Variants in ACTR3C observed in about 807,000 individuals in gnomAD.
The protein encoded by ACTR3C is actin-related protein 3C.
ACTR3C carries 18 observed loss-of-function variants against 26.3 expected under a neutral mutation model. That is an observed-to-expected ratio of 0.68 (90% CI 0.47 to 1.01). The LOEUF (loss-of-function observed/expected upper bound fraction) is 1.01. ACTR3C is among the 50% of genes least tolerant of loss of function. The pLI, the probability that ACTR3C is intolerant of heterozygous loss-of-function variation, is 0.00. For missense variants in ACTR3C, 184 were observed against 250.7 expected (o/e 0.73, Z 1.80); for synonymous variants, 55 against 94.5 (o/e 0.58, Z 2.42).
At chr7:150,038,496 C>G in the ACTR3C span, among the ~76,000 whole-genome samples, 1 of 143,914 alleles carries the variant, frequency 6.9e-6, no homozygotes, top group Non-Finnish European at 1.5e-5. Context: ...CATACAAAGG[C>G]TTGGCTAATA....
chr7:150,009,340 C>G, the ACTR3C span, among the ~76,000 whole-genome samples: 107 of 152,320 alleles, frequency 7.0e-4, 5 homozygotes, highest in South Asian at 0.022. Context: ...ACAAGAGGCA[C>G]AAGAACCAGG....
the ACTR3C span, among the ~76,000 whole-genome samples, chr7:149,983,429 T>TTGTATGTATGTG: frequency 1.3e-3 from 20 of 15,632 alleles, 2 homozygotes; most frequent in South Asian, 4.0e-3. Context: ...GGTGTGTGTG[T>TTGTATGTATGTG]TGTGTGTATG....
chr7:150,115,484 G>T, the ACTR3C span, among the ~76,000 whole-genome samples: 1 of 152,212 alleles, frequency 6.6e-6, no homozygotes, highest in African/African-American at 2.4e-5. Flanking sequence ...GCTCTTAGGG[G>T]AGTGGTGAGT....
chr7:150,070,271 A>G, the ACTR3C span, among the ~76,000 whole-genome samples: 64 of 152,220 alleles, frequency 4.2e-4, no homozygotes, highest in African/African-American at 1.2e-3. Flanking sequence ...TCAGGTCCCA[A>G]CTCACACCTG....
the ACTR3C span, among the ~76,000 whole-genome samples, chr7:150,203,974 G>C: frequency 1.3e-5 from 2 of 150,972 alleles, no homozygotes; most frequent in African/African-American, 4.9e-5. Flanking sequence ...TATGAAATTG[G>C]TTAGCGCACA....
intron 6 of ACTR3C, among the ~76,000 whole-genome samples, chr7:150,259,561 A>G: frequency 6.6e-6 from 1 of 152,210 alleles, no homozygotes; most frequent in East Asian, 1.9e-4. Flanking sequence ...AGAGCTTTAG[A>G]AAGAAAAAAC....
chr7:150,039,991 C>A, the ACTR3C span, among the ~76,000 whole-genome samples: 1 of 139,402 alleles, frequency 7.2e-6, no homozygotes, highest in African/African-American at 2.6e-5. Flanking sequence ...GCCTCCCCCA[C>A]TGCGATAGTG....
the ACTR3C span, among the ~76,000 whole-genome samples, chr7:149,901,535 T>A: frequency 8.1e-6 from 1 of 122,844 alleles, no homozygotes; most frequent in Non-Finnish European, 1.8e-5. Flanking sequence ...ATAAAATATT[T>A]TAAATACAGA....
the ACTR3C span, among the ~76,000 whole-genome samples, chr7:149,994,391 A>C: frequency 1.3e-5 from 2 of 152,176 alleles, no homozygotes; most frequent in Non-Finnish European, 2.9e-5. Flanking sequence ...TGAGGTCAGG[A>C]GTTTGAGACC....
the ACTR3C span, among the ~76,000 whole-genome samples, chr7:150,112,412 A>G: frequency 2.6e-5 from 4 of 152,208 alleles, no homozygotes; most frequent in Non-Finnish European, 5.9e-5. Context: ...ACACCTTACC[A>G]GCACAGAAGG....
At chr7:149,955,678 G>T in the ACTR3C span, among the ~76,000 whole-genome samples, 2 of 152,138 alleles carry the variant, frequency 1.3e-5, no homozygotes, top group Non-Finnish European at 2.9e-5. Context: ...GGTAAGAAGA[G>T]AAACTATTAA....
At chr7:150,154,644 T>C in the ACTR3C span, among the ~76,000 whole-genome samples, 6 of 152,180 alleles carry the variant, frequency 3.9e-5, no homozygotes, top group African/African-American at 1.4e-4. Context: ...CTTTGACTCA[T>C]TCATTCTGAA....
the ACTR3C span, among the ~76,000 whole-genome samples, chr7:149,899,768 A>G: frequency 1.3e-5 from 2 of 152,084 alleles, no homozygotes; most frequent in South Asian, 4.1e-4. Flanking sequence ...AGAAAAAAAA[A>G]AGGGAAGAGA....
chr7:149,999,052 C>T, the ACTR3C span, among the ~76,000 whole-genome samples: 1 of 150,498 alleles, frequency 6.6e-6, no homozygotes, highest in African/African-American at 2.4e-5. Flanking sequence ...GTGACAGCTG[C>T]CTCAGCCAGC....
At chr7:149,921,708 C>G in the ACTR3C span, among the ~76,000 whole-genome samples, 6 of 151,954 alleles carry the variant, frequency 3.9e-5, no homozygotes, top group Non-Finnish European at 5.9e-5. Context: ...GAAACCCCAT[C>G]TCTACTAAAA....
the ACTR3C span, among the ~76,000 whole-genome samples, chr7:150,192,443 A>G: frequency 1.3e-5 from 2 of 152,110 alleles, no homozygotes; most frequent in Non-Finnish European, 2.9e-5. Flanking sequence ...CTACGATTGC[A>G]GGTGCATATC....
At chr7:150,193,408 C>CT in the ACTR3C span, among the ~76,000 whole-genome samples, 11,885 of 133,400 alleles carry the variant, frequency 0.089, 631 homozygotes, top group East Asian at 0.22. Context: ...TTTTTATTTT[C>CT]TTTTTTTTTT....
chr7:150,023,137 ATATATAGATATC>A, the ACTR3C span, among the ~76,000 whole-genome samples: 4 of 69,278 alleles, frequency 5.8e-5, no homozygotes, highest in African/African-American at 1.3e-4. Flanking sequence ...CTATATACAT[ATATATAGATATC>A]TATATAGATA....
intron 3 of ACTR3C, among the ~76,000 whole-genome samples, chr7:150,292,779 G>A (rs1259359750): frequency 9.9e-5 from 15 of 152,152 alleles, no homozygotes; most frequent in African/African-American, 3.1e-4. Context: ...TTACAGGCGT[G>A]AGCCACCGCG....
Sources: allele counts gnomAD v4.1 joint callset (sites outside exome capture counted in the v4.1 genomes callset), GRCh38; gene constraint gnomAD v4.1.1; transcripts MANE v1.5; gene names NCBI Gene and HGNC (gene_info 2026-07-23, HGNC 2026-07-21).